FRMD4A: variants seen among roughly 807,000 people sequenced by gnomAD.
FRMD4A encodes FERM domain containing 4A.
Under a neutral mutation model 129.1 loss-of-function variants are expected in FRMD4A, and 29 were observed. That is an observed-to-expected ratio of 0.22 (90% CI 0.17 to 0.31). The LOEUF is 0.31. FRMD4A is among the 10% of genes least tolerant of loss of function. The pLI is 1.00. For missense variants in FRMD4A, 1,272 were observed against 1,375.8 expected, an observed-to-expected ratio of 0.92 and a Z score of 1.19; for synonymous variants, 634 against 571.6, an observed-to-expected ratio of 1.11 and a Z score of -1.56.
chr10:13,883,089 C>T (rs930160378), intron 2 of FRMD4A, among the ~76,000 whole-genome samples: 2 of 152,134 alleles, frequency 1.3e-5, no homozygotes, highest in African/African-American at 4.8e-5. Flanking sequence ...CAGGCATAAG[C>T]CACTGCACCC....
chr10:13,950,669 C>T (rs2095364750), intron 2 of FRMD4A, among the ~76,000 whole-genome samples: 1 of 152,188 alleles, frequency 6.6e-6, no homozygotes, highest in South Asian at 2.1e-4. Context: ...ACACTGTCTT[C>T]CCTCTCTTCC....
intron 2 of FRMD4A, among the ~76,000 whole-genome samples, chr10:14,306,612 T>A (rs1359933536): frequency 6.6e-6 from 1 of 151,926 alleles, no homozygotes; most frequent in African/African-American, 2.4e-5. Flanking sequence ...TGGAAAAGAG[T>A]TTTGGGAGTC....
At chr10:14,108,486 G>A (rs1295706430) in intron 2 of FRMD4A, among the ~76,000 whole-genome samples, 1 of 152,164 alleles carries the variant, frequency 6.6e-6, no homozygotes, top group East Asian at 1.9e-4. Flanking sequence ...GATTGGAAAT[G>A]GGTCTGAATT....
At chr10:14,011,588 C>T (rs1484482628) in intron 2 of FRMD4A, among the ~76,000 whole-genome samples, 1 of 152,080 alleles carries the variant, frequency 6.6e-6, no homozygotes, top group Non-Finnish European at 1.5e-5. Flanking sequence ...TGGAAATAGC[C>T]ATATAGGCAG....
rs529602699 is a variant in FRMD4A, at chr10:13,762,979, AAAAC to A, written c.385-303_385-300del. 2.8e-3 allele frequency among the ~76,000 whole-genome samples: 423 copies of A among 152,210 alleles called. 2 individuals carry two copies. Among genetic ancestry groups the A allele is most frequent in the Admixed American group, 6.9e-3 (105 of 15,276 alleles). On this transcript the variant is annotated intron_variant, in intron 6 of 24. Transcript: ENST00000357447. ...AATGGGGTGAGTGAGACCCTGGCTC[AAAAC>A]AAACAAACAAACAAACAAAAAGCCT...
intron 12 of FRMD4A, chr10:13,707,870 C>T (rs2087629250): frequency 1.0e-6 from 1 of 985,368 alleles, no homozygotes; most frequent in Non-Finnish European, 1.2e-6. Context: ...GGTCATTCCT[C>T]CTTCGGACCA....
intron 2 of FRMD4A, among the ~76,000 whole-genome samples, chr10:13,975,720 C>T (rs2095540045): frequency 6.6e-6 from 1 of 151,714 alleles, no homozygotes; most frequent in Non-Finnish European, 1.5e-5. Flanking sequence ...CTGTGAATCT[C>T]TCTGAATCTC....
At chr10:14,135,003 T>C (rs1359861489) in intron 2 of FRMD4A, among the ~76,000 whole-genome samples, 1 of 152,194 alleles carries the variant, frequency 6.6e-6, no homozygotes, top group African/African-American at 2.4e-5. Context: ...AGGGACTAAT[T>C]TTTTTTGAGG....
intron 2 of FRMD4A, among the ~76,000 whole-genome samples, chr10:14,093,590 G>A (rs536881878): frequency 7.0e-4 from 107 of 152,230 alleles, no homozygotes; most frequent in African/African-American, 2.4e-3. Flanking sequence ...GGGATGAGTG[G>A]GACCTGCTTG....
intron 10 of FRMD4A, 61 bp from the exon 11 acceptor site, chr10:13,740,312 A>G: frequency 1.8e-6 from 2 of 1,127,372 alleles, no homozygotes; most frequent in Non-Finnish European, 2.7e-6. Flanking sequence ...CTAGTTATTC[A>G]GCAGATCTGG....
In FRMD4A at chr10:13,713,995, T is replaced by TACATATATAAA. The variant is rs1554858791; in HGVS notation, c.760-6883_760-6882insTTTATATATGT. Among the ~76,000 whole-genome samples the TACATATATAAA allele has an allele frequency of 2.7e-4, 19 of 71,274 alleles. 1 individual carries two copies. The highest frequency in any genetic ancestry group is 4.7e-4 in the South Asian group (1 of 2,138). 46.8% of individuals were successfully genotyped at this position (71,274 alleles called of 152,430 possible). ...ACATATATGTAATATACATATATAA[T>TACATATATAAA]ATACATATATAATATACATATATAA... On this transcript the variant is annotated intron_variant, in intron 12 of 24. Transcript: ENST00000357447.
At chr10:14,092,646 A>G (rs1836725922) in intron 2 of FRMD4A, among the ~76,000 whole-genome samples, 1 of 152,232 alleles carries the variant, frequency 6.6e-6, no homozygotes, top group Non-Finnish European at 1.5e-5. Context: ...GGTGATCCTC[A>G]TCGAAGGGAT....
At chr10:13,828,364 C>T (rs1165512827) in intron 3 of FRMD4A, among the ~76,000 whole-genome samples, 4 of 152,164 alleles carry the variant, frequency 2.6e-5, no homozygotes, top group East Asian at 3.9e-4. Context: ...TCCACGTCCA[C>T]GTGTGCACTT....
intron 2 of FRMD4A, among the ~76,000 whole-genome samples, chr10:14,050,145 G>T (rs973648554): frequency 6.6e-6 from 1 of 152,108 alleles, no homozygotes; most frequent in Non-Finnish European, 1.5e-5. Context: ...CTGAGTTATC[G>T]TGAGGATTAA....
chr10:14,217,675 G>A (rs868687029), intron 2 of FRMD4A, among the ~76,000 whole-genome samples: 12 of 152,278 alleles, frequency 7.9e-5, no homozygotes, highest in Non-Finnish European at 1.0e-4. Flanking sequence ...CATCAGGGCT[G>A]AAATCCAGCT....
chr10:13,802,936 C>T (rs1348344682), intron 4 of FRMD4A, among the ~76,000 whole-genome samples: 2 of 151,952 alleles, frequency 1.3e-5, no homozygotes, highest in Non-Finnish European at 2.9e-5. Flanking sequence ...TTACCTGAAG[C>T]CAGGAGTTCG....
In FRMD4A at chr10:13,644,585, A is replaced by G. The variant is rs2081002476; in HGVS notation, c.*2453T>C. The G allele has an allele frequency of 6.6e-6, 1 of 152,182 alleles. No individual in the cohort carries two copies. The highest frequency in any genetic ancestry group is 1.5e-5 in the Non-Finnish European group (1 of 68,030). The allele number at this position is 152,182 out of a possible 1,614,324, so 9.4% of individuals were successfully genotyped here. A position where few individuals can be genotyped will look rare whatever the true frequency, so the allele number is the denominator to read the frequency against. Reference sequence around the variant, plus strand: ...AGAATTTTTGCCTCTCATTCCTTGCAACTCCAGTGGGCTAGAATCTTGATC... The same window carrying G: ...AGAATTTTTGCCTCTCATTCCTTGCGACTCCAGTGGGCTAGAATCTTGATC... On this transcript the variant is annotated 3_prime_UTR_variant, in exon 25 of 25. Coordinates refer to ENST00000357447, the MANE Select transcript of FRMD4A (RefSeq NM_018027.5).
intron 2 of FRMD4A, among the ~76,000 whole-genome samples, chr10:14,133,518 G>A (rs1839375928): frequency 6.6e-6 from 1 of 152,214 alleles, no homozygotes; most frequent in South Asian, 2.1e-4. Flanking sequence ...CCACCATGGG[G>A]AGGGCTTGAT....
intron 12 of FRMD4A, among the ~76,000 whole-genome samples, chr10:13,713,160 G>A (rs949512122): frequency 6.6e-5 from 10 of 152,178 alleles, no homozygotes; most frequent in Non-Finnish European, 1.2e-4. Flanking sequence ...CTCCCTATGA[G>A]TAACTTCCTG....
Sources: gnomAD v4.1 joint callset for allele counts (sites outside exome capture counted in the v4.1 genomes callset) on GRCh38, gnomAD v4.1.1 for gene constraint, MANE v1.5 for transcripts, NCBI Gene and HGNC (gene_info 2026-07-23, HGNC 2026-07-21) for gene names.